The following ADAMTSL1 variants were observed in gnomAD, a reference collection of about 807,000 sequenced individuals.
ADAMTSL1 encodes ADAMTS like 1.
A neutral mutation model predicts 201.8 loss-of-function variants in ADAMTSL1; 126 were observed. That is an observed-to-expected ratio of 0.62 (90% CI 0.54 to 0.72). The LOEUF (loss-of-function observed/expected upper bound fraction) is 0.72. Ranked by LOEUF, ADAMTSL1 falls within the 30% of genes least tolerant of loss-of-function variation. The pLI is 0.00. For missense variants in ADAMTSL1, 2,679 were observed against 2,277.8 expected (o/e 1.18, Z -3.59); for synonymous variants, 1,121 against 903.4 (o/e 1.24, Z -4.32).
At chr9:17,989,495 C>A (rs938980045) in intron 1 of ADAMTSL1, among the ~76,000 whole-genome samples, 1 of 151,902 alleles carries the variant, frequency 6.6e-6, no homozygotes, top group African/African-American at 2.4e-5. Context: ...AAAGTCACTG[C>A]ACTTTCCTTT....
chr9:18,829,730 C>A (rs1588182795), intron 22 of ADAMTSL1, 113 bp from the exon 23 acceptor site: 2 of 1,374,906 alleles, frequency 1.5e-6, no homozygotes, highest in Non-Finnish European at 2.0e-6. Context: ...AATAGTAATG[C>A]CTATCTTACA....
At chr9:17,926,634 A>G (rs1826546891) in intron 1 of ADAMTSL1, among the ~76,000 whole-genome samples, 2 of 152,222 alleles carry the variant, frequency 1.3e-5, no homozygotes, top group African/African-American at 4.8e-5. Flanking sequence ...GGTTAAAACA[A>G]GAGGTGCTTT....
Position 18,024,108 on chromosome 9 carries a change from T to C in ADAMTSL1, c.87+117186T>C, listed in dbSNP as rs1820593099. Among the ~76,000 whole-genome samples, 6 of 152,138 alleles carry C rather than the reference T, an allele frequency of 3.9e-5. No individual in the cohort carries two copies. The South Asian group carries it at 1.2e-3, about 31-fold the overall frequency. ...TGAATTGATCAGATATTTTAAAATA[T>C]AGTCTACTGCTTTATTTTTTTATTG... On this transcript the variant is annotated intron_variant, in intron 1 of 29. Transcript: ENST00000680146.
chr9:17,980,640 G>T (rs1588516111), intron 1 of ADAMTSL1, among the ~76,000 whole-genome samples: 9 of 152,098 alleles, frequency 5.9e-5, no homozygotes, highest in Admixed American at 5.9e-4. Flanking sequence ...ATTGGGTCAT[G>T]AGGGTAGAGC....
intron 5 of ADAMTSL1, among the ~76,000 whole-genome samples, chr9:18,626,678 A>G (rs967851929): frequency 1.1e-4 from 16 of 152,180 alleles, no homozygotes; most frequent in African/African-American, 3.9e-4. Context: ...TGCTATACTG[A>G]GAATAGACTG....
intron 2 of ADAMTSL1, among the ~76,000 whole-genome samples, chr9:18,432,625 C>T (rs1819546437): frequency 6.6e-6 from 1 of 152,070 alleles, no homozygotes; most frequent in African/African-American, 2.4e-5. Context: ...TAGATTGAAC[C>T]AATAAAACCC....
At chr9:18,437,921 C>T (rs1291968545) in intron 2 of ADAMTSL1, among the ~76,000 whole-genome samples, 1 of 152,122 alleles carries the variant, frequency 6.6e-6, no homozygotes, top group Non-Finnish European at 1.5e-5. Flanking sequence ...GATACACTCG[C>T]AGTGCCAAGA....
At chr9:18,408,134 G>C (rs1424211916) in intron 2 of ADAMTSL1, among the ~76,000 whole-genome samples, 1 of 152,114 alleles carries the variant, frequency 6.6e-6, no homozygotes, top group Non-Finnish European at 1.5e-5. Flanking sequence ...TTTTCTTTAA[G>C]TTCAAGCTGA....
At chr9:18,858,145 C>T (rs1259747628) in intron 23 of ADAMTSL1, among the ~76,000 whole-genome samples, 1 of 151,810 alleles carries the variant, frequency 6.6e-6, no homozygotes, top group East Asian at 1.9e-4. Context: ...AGTCATGAGT[C>T]CTCCCTTGTA....
At chr9:18,221,014 A>T (rs543698745) in intron 2 of ADAMTSL1, among the ~76,000 whole-genome samples, 1 of 152,016 alleles carries the variant, frequency 6.6e-6, no homozygotes, top group Non-Finnish European at 1.5e-5. Flanking sequence ...AGCCTAAGAG[A>T]CCCACCCTCT....
chr9:18,001,114 C>G (rs1491001380), intron 1 of ADAMTSL1, among the ~76,000 whole-genome samples: 1 of 151,798 alleles, frequency 6.6e-6, no homozygotes, highest in Non-Finnish European at 1.5e-5. Context: ...GTCACTGTAG[C>G]TCATAATATG....
In ADAMTSL1 at chr9:18,483,078, G is replaced by A. The variant is rs147755416; in HGVS notation, c.63+8783G>A. The stretch of plus-strand genomic sequence containing the variant: ...GAATTAAAGGGAACCTTTGATGCAT[G>A]CGGAATGTGACCTCAGTTGACTGGT... On this transcript the variant is annotated intron_variant, in intron 1 of 28. Transcript: ENST00000380548. Among the ~76,000 whole-genome samples the A allele has an allele frequency of 2.4e-3, 372 of 152,308 alleles. 2 individuals carry two copies. Among genetic ancestry groups the A allele is most frequent in the African/African-American group, 8.3e-3 (347 of 41,578 alleles).
At chr9:18,319,797 A>G (rs7032264) in intron 2 of ADAMTSL1, among the ~76,000 whole-genome samples, 5 of 152,282 alleles carry the variant, frequency 3.3e-5, no homozygotes, top group African/African-American at 1.2e-4. Context: ...CATCTTAATC[A>G]CCTGAATCTG....
At chr9:18,819,019 T>A (rs1371148727) in intron 21 of ADAMTSL1, among the ~76,000 whole-genome samples, 1 of 152,124 alleles carries the variant, frequency 6.6e-6, no homozygotes, top group Non-Finnish European at 1.5e-5. Flanking sequence ...TTAATGGTGG[T>A]GCCAGTAGAG....
At chr9:18,643,854 G>T (rs1484170111) in intron 7 of ADAMTSL1, among the ~76,000 whole-genome samples, 1 of 151,356 alleles carries the variant, frequency 6.6e-6, no homozygotes, top group African/African-American at 2.4e-5. Context: ...GATTGCTTTG[G>T]CTATTTGGGG....
At chr9:18,029,729 T>C (rs1471340567) in intron 1 of ADAMTSL1, among the ~76,000 whole-genome samples, 1 of 151,898 alleles carries the variant, frequency 6.6e-6, no homozygotes, top group Non-Finnish European at 1.5e-5. Flanking sequence ...CATCAAAAAG[T>C]GGGTGAAGGA....
At chr9:18,205,401 A>G (rs1447911459) in intron 2 of ADAMTSL1, among the ~76,000 whole-genome samples, 1 of 152,156 alleles carries the variant, frequency 6.6e-6, no homozygotes, top group African/African-American at 2.4e-5. Flanking sequence ...AGACAAACTT[A>G]TCTTTTATGG....
chr9:18,060,448 C>T (rs1586964183), intron 1 of ADAMTSL1, among the ~76,000 whole-genome samples: 1 of 152,100 alleles, frequency 6.6e-6, no homozygotes, highest in Non-Finnish European at 1.5e-5. Flanking sequence ...GGCTTCTGTC[C>T]ACTGAGGGTC....
chr9:18,154,300 C>T (rs1405467039), intron 1 of ADAMTSL1, among the ~76,000 whole-genome samples: 2 of 151,982 alleles, frequency 1.3e-5, no homozygotes, highest in African/African-American at 2.4e-5. Flanking sequence ...TATGGGTTGA[C>T]CGAGTTCAAC....
Sources: allele counts gnomAD v4.1 joint callset (sites outside exome capture counted in the v4.1 genomes callset), GRCh38; gene constraint gnomAD v4.1.1; transcripts MANE v1.5; gene names NCBI Gene and HGNC (gene_info 2026-07-23, HGNC 2026-07-21).